FKBP9: variants seen among roughly 807,000 people sequenced by gnomAD.
FKBP9 encodes peptidyl-prolyl cis-trans isomerase FKBP9.
In FKBP9, 27 loss-of-function variants were observed where a neutral mutation model predicts 55.6. The observed-to-expected ratio is 0.49, with a 90% CI of 0.36 to 0.67. The LOEUF is 0.67. Among genes scored for constraint, FKBP9 ranks in the 30% least tolerant of loss-of-function variants. FKBP9 has a pLI of 0.00. For missense variants in FKBP9, 539 were observed against 742.8 expected, an observed-to-expected ratio of 0.73 and a Z score of 3.19; for synonymous variants, 267 against 296.5, an observed-to-expected ratio of 0.90 and a Z score of 1.02.
intron 8 of FKBP9, among the ~76,000 whole-genome samples, chr7:33,001,465 G>A (rs989470676): frequency 9.9e-5 from 15 of 152,088 alleles, no homozygotes; most frequent in African/African-American, 3.4e-4. Flanking sequence ...AACCCAGGAG[G>A]TGGAGCTTGC....
rs2953606 is a variant in FKBP9, at chr7:33,002,746, T to C, written c.1443T>C (p.Pro481=). The C allele has an allele frequency of 6.2e-7, 1 of 1,614,208 alleles. No individual in the cohort carries two copies. Among genetic ancestry groups the C allele is most frequent in the Non-Finnish European group, 8.5e-7 (1 of 1,180,034 alleles). The change falls in exon 9 of 10, where the codon CCT becomes CCC. Residue 481 remains proline, a synonymous_variant. Transcript: ENST00000242209. ...IELLELVAGL[P]EGYMFIWNGE... is the part of the protein sequence containing the mutation. ...TGCTGGAGCTGGTGGCTGGCCTTCCTGAGGGGTACATGTTCATATGGAATG... is the reference window on the plus strand; with the variant it reads ...TGCTGGAGCTGGTGGCTGGCCTTCCCGAGGGGTACATGTTCATATGGAATG...
Position 32,972,726 on chromosome 7 carries a change from C to A in FKBP9, c.222-1891C>A, listed in dbSNP as rs1470235537. Among the ~76,000 whole-genome samples, 11 of 151,808 alleles carry A rather than the reference C, an allele frequency of 7.2e-5. No individual in the cohort carries two copies. The East Asian group carries it at 1.5e-3, about 21-fold the overall frequency. On this transcript the variant is annotated intron_variant, in intron 1 of 9. Coordinates refer to ENST00000242209, the MANE Select transcript of FKBP9 (RefSeq NM_007270.5). Reference sequence around the variant, plus strand: ...ATACTGTGTTAACCTGTTCCCCCCCCACCCTTTTTGAGACAAAGTTTCACT... The same window carrying A: ...ATACTGTGTTAACCTGTTCCCCCCCAACCCTTTTTGAGACAAAGTTTCACT...
chr7:32,976,835 A>T (rs1250427175), intron 4 of FKBP9, among the ~76,000 whole-genome samples: 1 of 152,188 alleles, frequency 6.6e-6, no homozygotes, highest in Non-Finnish European at 1.5e-5. Context: ...ATTGAGTTGC[A>T]GAAATTTCCA....
Position 32,984,241 on chromosome 7 carries a change from CT to C in FKBP9, c.893+3698del, listed in dbSNP as rs556452213. Among the ~76,000 whole-genome samples the C allele has an allele frequency of 1.1e-4, 16 of 145,362 alleles. No homozygotes were observed. The East Asian group carries it at 1.2e-3, about 11-fold the overall frequency. On this transcript the variant is annotated intron_variant, in intron 5 of 9. Transcript: ENST00000242209. ...TTTTTATTTTCAAAAGTAATATGTT[CT>C]TTTTTTTTTGAGACAGAGTCTCACT... is the stretch of plus-strand genomic sequence containing the variant.
chr7:32,958,330 T>A (rs1163379777), intron 1 of FKBP9, among the ~76,000 whole-genome samples: 5 of 152,258 alleles, frequency 3.3e-5, no homozygotes, highest in African/African-American at 1.2e-4. Flanking sequence ...TGAACTCATT[T>A]AATTGTACAG....
Position 32,957,489 on chromosome 7 carries a change from C to G in FKBP9, c.-85C>G. ...GGGTAGGGCCAGGAGACCCGGTCCA[C>G]GTTTGCAAACGCAGCCGAACGCCCA... On this transcript the variant is annotated 5_prime_UTR_variant, in exon 1 of 10. Coordinates refer to ENST00000242209, the MANE Select transcript of FKBP9 (RefSeq NM_007270.5). 9.4e-7 allele frequency: 1 copy of G among 1,063,524 alleles called. No homozygotes were observed. The highest frequency in any genetic ancestry group is 1.2e-6 in the Non-Finnish European group (1 of 804,036). 65.9% of individuals were successfully genotyped at this position (1,063,524 alleles called of 1,614,324 possible).
chr7:32,966,301 T>C (rs145127262), intron 1 of FKBP9, among the ~76,000 whole-genome samples: 9,462 of 151,506 alleles, frequency 0.062, 396 homozygotes, highest in East Asian at 0.19. Context: ...GACTATGATG[T>C]CTCTTGTCTT....
chr7:32,957,624 G>T lies in FKBP9; in HGVS notation c.51G>T (p.Leu17=). The T allele has an allele frequency of 2.0e-6, 3 of 1,495,016 alleles. No individual in the cohort carries two copies. Among genetic ancestry groups the T allele is most frequent in the Non-Finnish European group, 2.7e-6 (3 of 1,130,782 alleles). 92.6% of individuals were successfully genotyped at this position (1,495,016 alleles called of 1,614,324 possible). The change falls in exon 1 of 10, where the codon CTG becomes CTT. Residue 17 remains leucine (L), a synonymous_variant. Transcript: ENST00000242209. ...RPPPPPLLLL[L]LWVTGQAAPV... Reference sequence around the variant, plus strand: ...CGCCGCCACCGCTGCTCCTGCTGCTGCTCTGGGTGACCGGGCAGGCAGCGC... The same window carrying T: ...CGCCGCCACCGCTGCTCCTGCTGCTTCTCTGGGTGACCGGGCAGGCAGCGC...
intron 1 of FKBP9, among the ~76,000 whole-genome samples, chr7:32,960,986 T>G (rs1164078307): frequency 6.6e-6 from 1 of 152,234 alleles, no homozygotes; most frequent in Admixed American, 6.5e-5. Context: ...AAAGTTCAAA[T>G]GATTTGCCCA....
rs762814035 is a variant in FKBP9, at chr7:32,974,602, C to A, written c.222-15C>A. 1.4e-5 allele frequency: 22 copies of A among 1,609,610 alleles called. No individual in the cohort carries two copies. The East Asian group carries it at 4.0e-4, about 29-fold the overall frequency. On this transcript the variant is annotated splice_polypyrimidine_tract_variant and intron_variant, in intron 1 of 9. Transcript: ENST00000242209. ...TATACTTTTCTTTCTCTTTCCCTACCCTTTGGGCCTTCAGCTATGACAGAG... is the reference window on the plus strand; with the variant it reads ...TATACTTTTCTTTCTCTTTCCCTACACTTTGGGCCTTCAGCTATGACAGAG...
At chr7:32,967,841 G>A (rs1195983000) in intron 1 of FKBP9, among the ~76,000 whole-genome samples, 4 of 150,986 alleles carry the variant, frequency 2.6e-5, no homozygotes, top group African/African-American at 9.7e-5. Context: ...CGCAACCTCC[G>A]CCTCCCAGGT....
At chr7:32,966,956 A>G (rs1279348456) in intron 1 of FKBP9, among the ~76,000 whole-genome samples, 1 of 152,170 alleles carries the variant, frequency 6.6e-6, no homozygotes, top group Non-Finnish European at 1.5e-5. Context: ...TGGCATGGAC[A>G]CAGATCCAAA....
At chr7:32,977,381 G>A (rs1441385805) in intron 4 of FKBP9, among the ~76,000 whole-genome samples, 1 of 152,152 alleles carries the variant, frequency 6.6e-6, no homozygotes, top group Admixed American at 6.5e-5. Flanking sequence ...ACAATCCTAG[G>A]TGCTACATCC....
In FKBP9 at chr7:33,005,466, G is replaced by A. The variant is rs1331001308; in HGVS notation, c.*115G>A. 7.8e-6 allele frequency: 9 copies of A among 1,146,764 alleles called. No homozygotes were observed. Among genetic ancestry groups the A allele is most frequent in the African/African-American group, 6.1e-5 (4 of 65,174 alleles). 71.0% of individuals were successfully genotyped at this position (1,146,764 alleles called of 1,614,324 possible). A position where few individuals can be genotyped will look rare whatever the true frequency, so the allele number is the denominator to read the frequency against. On this transcript the variant is annotated 3_prime_UTR_variant, in exon 10 of 10. Transcript: ENST00000242209. ...GAAGTTGCATCATTAGCCAGTAGTA[G>A]GTGGGTCACATAGTACCTGGTGTAC...
intron 8 of FKBP9, among the ~76,000 whole-genome samples, chr7:33,001,266 C>T (rs1261282879): frequency 1.1e-4 from 17 of 152,142 alleles, no homozygotes; most frequent in Non-Finnish European, 7.3e-5. Flanking sequence ...ATATTCTGGC[C>T]GGGTGCGGTG....
chr7:32,963,622 C>T (rs1784071943), intron 1 of FKBP9: 1 of 1,459,718 alleles, frequency 6.9e-7, no homozygotes, highest in Admixed American at 2.4e-5. Context: ...CAAGCCCGTC[C>T]TGCAGACTTA....
rs1259035536 is a variant in FKBP9 at position 32,957,524 on chromosome 7, G to A, written c.-50G>A. ...CGCAGCCGAACGCCCAGGCCGACCC[G>A]TGCCGCCCGAGCGCCGCGCTGCGTC... On this transcript the variant is annotated 5_prime_UTR_variant, in exon 1 of 10. In the 5' UTR this introduces an upstream ATG that the reference lacks. Coordinates refer to ENST00000242209, the MANE Select transcript of FKBP9 (RefSeq NM_007270.5). 5 of 1,328,600 alleles carry A rather than the reference G, an allele frequency of 3.8e-6. No homozygotes were observed. The highest frequency in any genetic ancestry group is 2.9e-6 in the Non-Finnish European group (3 of 1,034,202). 82.3% of individuals were successfully genotyped at this position (1,328,600 alleles called of 1,614,324 possible). A position where few individuals can be genotyped will look rare whatever the true frequency, so the allele number is the denominator to read the frequency against.
intron 1 of FKBP9, among the ~76,000 whole-genome samples, chr7:32,960,582 A>T (rs1269973642): frequency 2.0e-5 from 3 of 152,190 alleles, no homozygotes; most frequent in Admixed American, 2.0e-4. Flanking sequence ...GCTTGAGTTG[A>T]TGGTAATTAA....
intron 1 of FKBP9, 87 bp downstream of exon 1, chr7:32,957,881 T>C: frequency 1.0e-6 from 1 of 995,752 alleles, no homozygotes; most frequent in Admixed American, 4.1e-5. Context: ...GGACCTCCCC[T>C]AGCTCCGCCC....
Sources: allele counts gnomAD v4.1 joint callset (sites outside exome capture counted in the v4.1 genomes callset), GRCh38; gene constraint gnomAD v4.1.1; transcripts MANE v1.5; gene names NCBI Gene and HGNC (gene_info 2026-07-23, HGNC 2026-07-21).